Variants in GFRA2 observed in about 807,000 individuals in gnomAD.
GFRA2 encodes GDNF family receptor alpha 2.
Under a neutral mutation model 48.3 loss-of-function variants are expected in GFRA2, and 17 were observed. The observed-to-expected ratio is 0.35, with a 90% CI of 0.24 to 0.53. The LOEUF (loss-of-function observed/expected upper bound fraction) is 0.53. Among genes scored for constraint, GFRA2 ranks in the 20% least tolerant of loss-of-function variants. The probability of loss-of-function intolerance (pLI) is 0.93; values close to 1 mark genes in which losing one functional copy is unlikely to be tolerated. For synonymous variants in GFRA2, 305 were observed against 257.2 expected, an observed-to-expected ratio of 1.19 and a Z score of -1.78; for missense variants, 660 against 637.3, an observed-to-expected ratio of 1.04 and a Z score of -0.38.
intron 3 of GFRA2, among the ~76,000 whole-genome samples, chr8:21,760,623 G>A (rs1481871771): frequency 6.6e-6 from 1 of 152,214 alleles, no homozygotes; most frequent in Non-Finnish European, 1.5e-5. Flanking sequence ...TCGAAGCAGG[G>A]ATGTTGAATA....
upstream of GFRA2, chr8:21,788,960 G>A: frequency 3.5e-6 from 1 of 283,670 alleles, no homozygotes; most frequent in Non-Finnish European, 5.3e-6. Context: ...CGGCTCCCTC[G>A]CCCGGGCTCT....
At chr8:21,789,363 C>T (rs1807452295), upstream of GFRA2, 1 of 152,600 alleles carries the variant, frequency 6.6e-6, no homozygotes, top group Non-Finnish European at 1.5e-5. Context: ...CTGCCCCCGC[C>T]CCCTGCGCCG....
At chr8:21,731,355 G>A (rs57670783) in intron 4 of GFRA2, among the ~76,000 whole-genome samples, 26,668 of 152,086 alleles carry the variant, frequency 0.18, 2,473 homozygotes, top group Middle Eastern at 0.21. Flanking sequence ...ATGTGGCCAC[G>A]TCATTTAGCA....
chr8:21,705,664 T>C (rs1802701870), intron 5 of GFRA2, among the ~76,000 whole-genome samples: 1 of 152,224 alleles, frequency 6.6e-6, no homozygotes, highest in African/African-American at 2.4e-5. Context: ...GTCAGAACCA[T>C]GCAATAAATG....
At chr8:21,787,788 C>G (rs1187458059) in intron 1 of GFRA2, among the ~76,000 whole-genome samples, 1 of 152,226 alleles carries the variant, frequency 6.6e-6, no homozygotes, top group Non-Finnish European at 1.5e-5. Context: ...CTTAAGTTGC[C>G]GCAATTCGAA....
chr8:21,713,074 G>GAGAGGGAGAGGC (rs947200092), intron 4 of GFRA2, among the ~76,000 whole-genome samples: 1 of 151,804 alleles, frequency 6.6e-6, no homozygotes, highest in Non-Finnish European at 1.5e-5. Flanking sequence ...AAGGGAGAGG[G>GAGAGGGAGAGGC]AGAGGGAGAG....
chr8:21,750,523 G>A lies in GFRA2; in HGVS notation c.794+65C>T. 2 of 896,560 alleles carry A rather than the reference G, an allele frequency of 2.2e-6. No homozygotes were observed. The highest frequency in any genetic ancestry group is 3.5e-6 in the Non-Finnish European group (2 of 575,494). 55.5% of individuals were successfully genotyped at this position (896,560 alleles called of 1,614,324 possible). On this transcript the variant is annotated intron_variant, in intron 4 of 8. Coordinates refer to ENST00000524240, the MANE Select transcript of GFRA2 (RefSeq NM_001495.5). This position sits in a 1 kb window ranked among gnomAD's most constrained non-coding sequence, Gnocchi z 5.7. ...ATGCACCCAAGGAATGCAGAGAAAG[G>A]AAAACACAGCCTGGCAATGCAAGCG...
At position 21,702,910 on chromosome 8, in the gene GFRA2, C is replaced by A. The variant is rs775638265; in HGVS notation, c.1113G>T (p.Gln371His). The A allele has an allele frequency of 6.3e-7, 1 of 1,592,252 alleles. No homozygotes were observed. Among genetic ancestry groups the A allele is most frequent in the Admixed American group, 1.8e-5 (1 of 55,734 alleles). Residue 371 changes from glutamine to histidine, a missense_variant, in exon 7 of 9, where the codon CAG becomes CAT. Gln to His is a conservative substitution (Grantham distance 24). Coordinates refer to ENST00000524240, the MANE Select transcript of GFRA2 (RefSeq NM_001495.5). ...VNVSPKGPSF[Q>H]ATQAPRVEKT... ...TCTCCACCCGAGGGGCCTGGGTGGC[C>A]TGGAACGAGGGGCCTTTTGGGGACA...
chr8:21,776,024 T>C (rs1267796850), intron 2 of GFRA2, among the ~76,000 whole-genome samples: 3 of 144,238 alleles, frequency 2.1e-5, no homozygotes, highest in Non-Finnish European at 4.4e-5. Flanking sequence ...TGTGTGTGTG[T>C]GTGTGTGTGT....
In GFRA2 at chr8:21,779,252, C is replaced by G. The variant is rs370442581; in HGVS notation, c.355+3333G>C. On this transcript the variant is annotated intron_variant, in intron 2 of 8. Coordinates refer to ENST00000524240, the MANE Select transcript of GFRA2 (RefSeq NM_001495.5). Reference sequence around the variant, plus strand: ...CCATCTGCAGTCAGGCACTCCCGATCAAGGGGCCTTGAAAACCACACAGCA... The same window carrying G: ...CCATCTGCAGTCAGGCACTCCCGATGAAGGGGCCTTGAAAACCACACAGCA... Among the ~76,000 whole-genome samples, 1,467 of 152,314 alleles carry G rather than the reference C, an allele frequency of 9.6e-3. 18 individuals are homozygous for G. The highest frequency in any genetic ancestry group is 0.032 in the African/African-American group (1,337 of 41,566).
intron 4 of GFRA2, among the ~76,000 whole-genome samples, chr8:21,728,711 T>C (rs143983160): frequency 1.1e-3 from 171 of 152,288 alleles, no homozygotes; most frequent in African/African-American, 3.9e-3. Context: ...CTCGACCTTA[T>C]CATAAGCCAT....
In GFRA2 at chr8:21,775,178, G is replaced by A. The variant is rs2117708220; in HGVS notation, c.356-123C>T. 4.6e-6 allele frequency: 3 copies of A among 656,558 alleles called. No homozygotes were observed. The South Asian group carries it at 5.3e-5, about 12-fold the overall frequency. 40.7% of individuals were successfully genotyped at this position (656,558 alleles called of 1,614,324 possible). On this transcript the variant is annotated intron_variant, in intron 2 of 8. Coordinates refer to ENST00000524240, the MANE Select transcript of GFRA2 (RefSeq NM_001495.5). Reference sequence around the variant, plus strand: ...AGCTCGTGCCACCCAAAGGATAAGAGACAGGGCAGCCCTTCCCAAAGTGAA... The same window carrying A: ...AGCTCGTGCCACCCAAAGGATAAGAAACAGGGCAGCCCTTCCCAAAGTGAA...
At chr8:21,696,513 C>A (rs1403085829) in intron 7 of GFRA2, among the ~76,000 whole-genome samples, 1 of 152,132 alleles carries the variant, frequency 6.6e-6, no homozygotes, top group Non-Finnish European at 1.5e-5. Flanking sequence ...GCTGTGGGTG[C>A]CACTCTCAGG....
intron 3 of GFRA2, among the ~76,000 whole-genome samples, chr8:21,771,347 C>T (rs1806429715): frequency 2.0e-5 from 3 of 152,222 alleles, no homozygotes; most frequent in Non-Finnish European, 4.4e-5. Flanking sequence ...AACTCACTTC[C>T]TCTCCATGAA....
intron 3 of GFRA2, among the ~76,000 whole-genome samples, chr8:21,772,882 C>G (rs375278182): frequency 1.3e-5 from 2 of 152,190 alleles, no homozygotes; most frequent in Non-Finnish European, 2.9e-5. Flanking sequence ...AGGATCTCTA[C>G]GCTTCAACAT....
rs1382487006 is a variant in GFRA2, at chr8:21,694,392, G to A, written c.1272+72C>T. 9.1e-6 allele frequency: 13 copies of A among 1,430,238 alleles called. No homozygotes were observed. The African/African-American group carries it at 1.7e-4, about 19-fold the overall frequency. 88.6% of individuals were successfully genotyped at this position (1,430,238 alleles called of 1,614,324 possible). On this transcript the variant is annotated intron_variant, in intron 8 of 8. Coordinates refer to ENST00000524240, the MANE Select transcript of GFRA2 (RefSeq NM_001495.5). ...TGAGATTTGAGGGCGCTGGATCTGA[G>A]GCTCGCCGGGGAAATGCCGCCCCCC...
intron 3 of GFRA2, 132 bp downstream of exon 3, chr8:21,774,840 C>T (rs2117706629): frequency 9.5e-6 from 6 of 632,388 alleles, no homozygotes; most frequent in South Asian, 7.9e-5. Flanking sequence ...GGCTCAGAAC[C>T]GTTGAGGGAC....
At chr8:21,786,714 G>A (rs932883153) in intron 1 of GFRA2, among the ~76,000 whole-genome samples, 74 of 152,174 alleles carry the variant, frequency 4.9e-4, no homozygotes, top group Non-Finnish European at 6.8e-4. Flanking sequence ...CGCACCTGGC[G>A]GGAAGCAGAG....
intron 4 of GFRA2, among the ~76,000 whole-genome samples, chr8:21,747,252 A>G (rs2117577541): frequency 6.6e-6 from 1 of 152,218 alleles, no homozygotes; most frequent in Non-Finnish European, 1.5e-5. Flanking sequence ...TCATGCTCCC[A>G]TCTATCCTGT....
Sources: gnomAD v4.1 joint callset for allele counts (sites outside exome capture counted in the v4.1 genomes callset) on GRCh38, gnomAD v4.1.1 for gene constraint, Gnocchi (gnomAD v3.1) non-coding constraint, MANE v1.5 for transcripts, NCBI Gene and HGNC (gene_info 2026-07-23, HGNC 2026-07-21) for gene names.